The following CFTR variants were observed in gnomAD, a reference collection of about 807,000 sequenced individuals.
CFTR encodes CF transmembrane conductance regulator, also known as cystic fibrosis transmembrane conductance regulator.
A neutral mutation model predicts 171.6 loss-of-function variants in CFTR; 181 were observed. That is an observed-to-expected ratio of 1.05 (90% CI 0.93 to 1.19). CFTR has a LOEUF of 1.19. CFTR is among the 50% of genes most tolerant of loss of function. The pLI is 0.00. For missense variants in CFTR, 1,968 were observed against 1,734.7 expected (o/e 1.13, Z -2.39); for synonymous variants, 583 against 608.0 (o/e 0.96, Z 0.60).
At chr7:117,531,397 G>T (rs539090343) in intron 4 of CFTR, among the ~76,000 whole-genome samples, 2 of 150,912 alleles carry the variant, frequency 1.3e-5, no homozygotes, top group East Asian at 1.9e-4. Context: ...ATGGTTTCCT[G>T]TTAAGATGAC....
intron 3 of CFTR, among the ~76,000 whole-genome samples, chr7:117,518,485 TTAAA>T (rs997437157): frequency 6.8e-6 from 1 of 147,492 alleles, no homozygotes; most frequent in Non-Finnish European, 1.5e-5. Flanking sequence ...TTTCATAGAC[TTAAA>T]TATATAGAGC....
chr7:117,591,837 T>C, intron 13 of CFTR, 97 bp from the exon 14 acceptor site: 3 of 725,074 alleles, frequency 4.1e-6, no homozygotes, highest in Non-Finnish European at 6.7e-6. Flanking sequence ...ATGATAGAGA[T>C]TATATGCAAT....
intron 22 of CFTR, among the ~76,000 whole-genome samples, chr7:117,633,389 G>A (rs1382764420): frequency 6.6e-6 from 1 of 151,940 alleles, no homozygotes; most frequent in Non-Finnish European, 1.5e-5. Flanking sequence ...ATCAATTATT[G>A]ATAGTTTCAA....
intron 9 of CFTR, among the ~76,000 whole-genome samples, chr7:117,546,076 C>A (rs1272911879): frequency 6.6e-6 from 1 of 152,072 alleles, no homozygotes; most frequent in Non-Finnish European, 1.5e-5. Context: ...TCACTGGAAC[C>A]TCTGCTGCCC....
At chr7:117,653,498 T>G (rs214163) in intron 24 of CFTR, among the ~76,000 whole-genome samples, 28,402 of 152,094 alleles carry the variant, frequency 0.19, 2,845 homozygotes, top group Non-Finnish European at 0.2. Context: ...TGGTGTCTCT[T>G]TTACAATGGC....
At chr7:117,642,701 A>ATTT in intron 23 of CFTR, 108 bp downstream of exon 23, 1 of 1,194,054 alleles carries the variant, frequency 8.4e-7, no homozygotes, top group Non-Finnish European at 1.2e-6. Flanking sequence ...TATATTTGTT[A>ATTT]TGCATTGCTG....
intron 21 of CFTR, among the ~76,000 whole-genome samples, chr7:117,619,444 A>G (rs1181840714): frequency 6.6e-6 from 1 of 152,232 alleles, no homozygotes; most frequent in African/African-American, 2.4e-5. Context: ...TTGACAATTC[A>G]GTTTGTTTCA....
At chr7:117,585,553 A>G (rs1380296587) in intron 11 of CFTR, among the ~76,000 whole-genome samples, 1 of 152,176 alleles carries the variant, frequency 6.6e-6, no homozygotes, top group African/African-American at 2.4e-5. Flanking sequence ...TCAAAAGCCT[A>G]CAGTGAATCT....
Position 117,592,408 on chromosome 7 carries a change from G to A in CFTR, c.2241G>A (p.Ala747=), listed in dbSNP as rs146645194. 10 of 1,613,534 alleles carry A rather than the reference G, an allele frequency of 6.2e-6. No individual in the cohort carries two copies. Among genetic ancestry groups the A allele is most frequent in the African/African-American group, 4.0e-5 (3 of 75,014 alleles). The part of the protein sequence containing the change: ...SLVPDSEQGE[A]ILPRISVIST... Reference sequence around the variant, plus strand: ...TACCAGATTCTGAGCAGGGAGAGGCGATACTGCCTCGCATCAGCGTGATCA... The same window carrying A: ...TACCAGATTCTGAGCAGGGAGAGGCAATACTGCCTCGCATCAGCGTGATCA... Residue 747 remains alanine (A), a synonymous_variant, in exon 14 of 27, where the codon GCG becomes GCA. Coordinates refer to ENST00000003084, the MANE Select transcript of CFTR (RefSeq NM_000492.4).
At chr7:117,556,836 C>T (rs1170288040) in intron 10 of CFTR, among the ~76,000 whole-genome samples, 2 of 151,998 alleles carry the variant, frequency 1.3e-5, no homozygotes, top group South Asian at 2.1e-4. Context: ...TTTCTTATAT[C>T]GTATTTTTGC....
intron 1 of CFTR, among the ~76,000 whole-genome samples, chr7:117,482,616 A>G (rs1392421739): frequency 6.6e-6 from 1 of 152,202 alleles, no homozygotes; most frequent in Non-Finnish European, 1.5e-5. Context: ...CTATTTTTAA[A>G]CTAGAAGTGA....
chr7:117,630,476 G>A (rs558027089), intron 22 of CFTR, among the ~76,000 whole-genome samples: 3 of 152,274 alleles, frequency 2.0e-5, no homozygotes, highest in African/African-American at 7.2e-5. Flanking sequence ...CTTGTCACAT[G>A]ATCCGGAAAA....
chr7:117,531,093 GTTTAGTTTGATTTA>G lies in CFTR; in HGVS notation c.470_483del (p.Phe157Ter), dbSNP rs1554379887. On this transcript the variant is annotated frameshift_variant, in exon 4 of 27. Transcript: ENST00000003084. LOFTEE classifies it high-confidence loss of function. ...TTGGAATGCAGATGAGAATAGCTAT[GTTTAGTTTGATTTA>G]TAAGAAGGTAATACTTCCTTGCACA... The G allele has an allele frequency of 6.2e-7, 1 of 1,613,120 alleles. No individual in the cohort carries two copies. Among genetic ancestry groups the G allele is most frequent in the Non-Finnish European group, 8.5e-7 (1 of 1,179,534 alleles).
chr7:117,557,741 T>G (rs753966227), intron 10 of CFTR, among the ~76,000 whole-genome samples: 1 of 152,170 alleles, frequency 6.6e-6, no homozygotes, highest in Non-Finnish European at 1.5e-5. Context: ...ATGCACTCTT[T>G]GCTTTAGGTG....
rs954731341 is a variant in CFTR at position 117,595,357 on chromosome 7, C to T, written c.2619+299C>T. On this transcript the variant is annotated intron_variant, in intron 15 of 26. Transcript: ENST00000003084. The stretch of plus-strand genomic sequence containing the variant: ...ATTACATATAAAATATATTTAAATA[C>T]AAATATAAGAAGAGTTTTTAATAGA... 1.1e-3 allele frequency among the ~76,000 whole-genome samples: 160 copies of T among 149,958 alleles called. 1 individual carries two copies. The highest frequency in any genetic ancestry group is 3.8e-3 in the African/African-American group (158 of 41,132).
intron 15 of CFTR, among the ~76,000 whole-genome samples, chr7:117,596,385 C>T (rs906074235): frequency 2.0e-5 from 3 of 152,250 alleles, no homozygotes; most frequent in African/African-American, 7.2e-5. Flanking sequence ...TGAGCCTCCC[C>T]CCAACCTGCC....
In CFTR at chr7:117,667,328, AG is replaced by A; in HGVS notation, c.*222del. ...CCTGGCAATAGTCAAATTGTGTGAA[AG>A]GTACTTCAAATCCTTGAAGATTTAC... On this transcript the variant is annotated 3_prime_UTR_variant, in exon 27 of 27. Coordinates refer to ENST00000003084, the MANE Select transcript of CFTR (RefSeq NM_000492.4). 5.6e-6 allele frequency: 3 copies of A among 539,076 alleles called. No individual in the cohort carries two copies. The South Asian group carries it at 5.9e-5, about 11-fold the overall frequency. 33.4% of individuals were successfully genotyped at this position (539,076 alleles called of 1,614,324 possible). A position where few individuals can be genotyped will look rare whatever the true frequency, so the allele number is the denominator to read the frequency against.
intron 15 of CFTR, 124 bp from the exon 16 acceptor site, chr7:117,602,702 G>A (rs2074125135): frequency 2.4e-6 from 2 of 849,862 alleles, no homozygotes; most frequent in Non-Finnish European, 4.1e-6. Flanking sequence ...AAAGGAAGAT[G>A]AAATTGTGTG....
intron 24 of CFTR, among the ~76,000 whole-genome samples, chr7:117,659,830 G>A (rs906528632): frequency 6.6e-6 from 1 of 152,158 alleles, no homozygotes; most frequent in Non-Finnish European, 1.5e-5. Context: ...CTACAGAGTA[G>A]CAAACAGAGT....
Sources: allele counts gnomAD v4.1 joint callset (sites outside exome capture counted in the v4.1 genomes callset), GRCh38; gene constraint gnomAD v4.1.1; transcripts MANE v1.5; gene names NCBI Gene and HGNC (gene_info 2026-07-23, HGNC 2026-07-21).